RET: variants seen among roughly 807,000 people sequenced by gnomAD.
RET encodes proto-oncogene tyrosine-protein kinase receptor Ret.
A neutral mutation model predicts 118.3 loss-of-function variants in RET; 19 were observed. That is an observed-to-expected ratio of 0.16 (90% CI 0.11 to 0.24). The LOEUF is 0.24. Among genes scored for constraint, RET ranks in the 10% least tolerant of loss-of-function variants. RET has a pLI of 1.00. For missense variants in RET, 1,219 were observed against 1,502.1 expected (o/e 0.81, Z 3.12); for synonymous variants, 597 against 644.1 (o/e 0.93, Z 1.11).
chr10:43,108,789 GCA>G (rs1012843077), intron 5 of RET, among the ~76,000 whole-genome samples: 17 of 151,942 alleles, frequency 1.1e-4, no homozygotes, highest in African/African-American at 4.1e-4. Context: ...GCGTACACAT[GCA>G]CACACACACA....
Position 43,106,753 on chromosome 10 carries a change from CA to C in RET, c.1063+183del, listed in dbSNP as rs1218027871. On this transcript the variant is annotated intron_variant, in intron 5 of 19. Transcript: ENST00000355710. The surrounding 1 kb of genome is among the most constrained non-coding windows in gnomAD (Gnocchi z 5.1). ...TCTGCCAGGCCTGCCCTCCAGCCAC[CA>C]GCAGGGCTTTCACCATGGGACCTCT... Among the ~76,000 whole-genome samples the C allele has an allele frequency of 6.6e-6, 1 of 152,186 alleles. No individual in the cohort carries two copies. Among genetic ancestry groups the C allele is most frequent in the Non-Finnish European group, 1.5e-5 (1 of 68,014 alleles).
At chr10:43,108,967 G>A in intron 5 of RET, 64 bp from the exon 6 acceptor site, 1 of 1,479,772 alleles carries the variant, frequency 6.8e-7, no homozygotes, top group Non-Finnish European at 9.4e-7. Flanking sequence ...CTGGGAAGAG[G>A]TGTGCTACAC....
In RET at chr10:43,124,998, C is replaced by G. The variant is rs1443648406; in HGVS notation, c.3039+16C>G. 7 of 1,611,948 alleles carry G rather than the reference C, an allele frequency of 4.3e-6. No homozygotes were observed. The highest frequency in any genetic ancestry group is 5.9e-6 in the Non-Finnish European group (7 of 1,178,054). ...TAAGAGGAGAGTGAGTGCCTGGGTC[C>G]AATTCCCACAAGCTGAAAGTGGCTT... On this transcript the variant is annotated intron_variant, in intron 18 of 19. Coordinates refer to ENST00000355710, the MANE Select transcript of RET (RefSeq NM_020975.6).
chr10:43,082,226 C>T (rs1002734097), intron 1 of RET, among the ~76,000 whole-genome samples: 2 of 152,202 alleles, frequency 1.3e-5, no homozygotes, highest in South Asian at 2.1e-4. Flanking sequence ...TGGCTGGGCT[C>T]TTGGCCCCTG....
intron 1 of RET, among the ~76,000 whole-genome samples, chr10:43,093,995 G>T (rs1377623003): frequency 6.6e-6 from 1 of 151,124 alleles, no homozygotes; most frequent in East Asian, 2.0e-4. Flanking sequence ...CAGGGTGTTT[G>T]TTCAGCATAA....
intron 1 of RET, among the ~76,000 whole-genome samples, chr10:43,082,753 C>T (rs547341414): frequency 3.7e-4 from 56 of 152,356 alleles, no homozygotes; most frequent in African/African-American, 1.2e-3. Context: ...AGAGGATTCT[C>T]GCCCTTGTGT....
In RET at chr10:43,116,570, C is replaced by T. The variant is rs2132901790; in HGVS notation, c.2137-14C>T. 2 of 1,613,998 alleles carry T rather than the reference C, an allele frequency of 1.2e-6. No individual in the cohort carries two copies. The highest frequency in any genetic ancestry group is 1.7e-6 in the Non-Finnish European group (2 of 1,179,928). ...TTCCCCCCTCTTCTCCCCCTTCCCTCATTTCCAACATAGGAGGATCCAAAG... is the reference window on the plus strand; with the variant it reads ...TTCCCCCCTCTTCTCCCCCTTCCCTTATTTCCAACATAGGAGGATCCAAAG... On this transcript the variant is annotated splice_polypyrimidine_tract_variant and intron_variant, in intron 11 of 19. Transcript: ENST00000355710.
rs573202190 is a variant in RET at position 43,090,154 on chromosome 10, C to T, written c.74-10305C>T. ...AGGCCTGGCAAATGGCTCAGAGAGA[C>T]ACCTGTGAACAGCTGTGTTTGGTGG... On this transcript the variant is annotated intron_variant, in intron 1 of 19. Transcript: ENST00000355710. 9.2e-5 allele frequency among the ~76,000 whole-genome samples: 14 copies of T among 152,336 alleles called. No homozygotes were observed. The South Asian group carries it at 2.7e-3, about 29-fold the overall frequency.
chr10:43,109,027 G>T lies in RET; in HGVS notation c.1064-4G>T, dbSNP rs1837849469. ...GGTGGTCATTGTTGTGCCCCTACCT[G>T]CAGGGCTGGTTCTCAACCGGAACCT... On this transcript the variant is annotated splice_polypyrimidine_tract_variant and splice_region_variant and intron_variant, in intron 5 of 19. Coordinates refer to ENST00000355710, the MANE Select transcript of RET (RefSeq NM_020975.6). 3 of 1,611,952 alleles carry T rather than the reference G, an allele frequency of 1.9e-6. No individual in the cohort carries two copies. The highest frequency in any genetic ancestry group is 2.5e-6 in the Non-Finnish European group (3 of 1,180,004).
At chr10:43,096,389 C>T (rs953980294) in intron 1 of RET, among the ~76,000 whole-genome samples, 6 of 152,150 alleles carry the variant, frequency 3.9e-5, no homozygotes, top group Non-Finnish European at 8.8e-5. Context: ...TCCTAACCCC[C>T]GAGACACAAA....
chr10:43,128,306 A>G lies in RET; in HGVS notation c.*37A>G, dbSNP rs1164946666. 1 of 1,610,750 alleles carries G rather than the reference A, an allele frequency of 6.2e-7. No individual in the cohort carries two copies. The highest frequency in any genetic ancestry group is 8.5e-7 in the Non-Finnish European group (1 of 1,176,900). On this transcript the variant is annotated 3_prime_UTR_variant, in exon 20 of 20. Transcript: ENST00000355710. ...GAAAGGTAATGGACTCACAAGGGGAAGAAACATGCTGAGAATGGAAAGTCT... is the reference window on the plus strand; with the variant it reads ...GAAAGGTAATGGACTCACAAGGGGAGGAAACATGCTGAGAATGGAAAGTCT...
In RET at chr10:43,114,220, G is replaced by A. The variant is rs1774651398; in HGVS notation, c.1880-260G>A. Among the ~76,000 whole-genome samples, 2 of 152,170 alleles carry A rather than the reference G, an allele frequency of 1.3e-5. No homozygotes were observed. The highest frequency in any genetic ancestry group is 6.5e-5 in the Admixed American group (1 of 15,288). ...TGGTGTAATGAGCACAGCCTCTGCT[G>A]TGTGACCTTGGCAGGCTGCTCAGCC... On this transcript the variant is annotated intron_variant, in intron 10 of 19. Coordinates refer to ENST00000355710, the MANE Select transcript of RET (RefSeq NM_020975.6). This position sits in a 1 kb window ranked among gnomAD's most constrained non-coding sequence, Gnocchi z 4.6.
intron 1 of RET, among the ~76,000 whole-genome samples, chr10:43,093,716 A>C (rs571414506): frequency 3.3e-5 from 5 of 152,202 alleles, no homozygotes; most frequent in Admixed American, 6.5e-5. Context: ...TGGGTTACCC[A>C]GGAGGGGCCG....
At chr10:43,103,833 G>A (rs1460946327) in intron 3 of RET, among the ~76,000 whole-genome samples, 1 of 152,196 alleles carries the variant, frequency 6.6e-6, no homozygotes, top group Non-Finnish European at 1.5e-5. Context: ...TCCCACATAC[G>A]TAATTCATGC....
chr10:43,077,404 T>G (rs1795758416), intron 1 of RET, 73 bp downstream of exon 1: 8 of 1,453,900 alleles, frequency 5.5e-6, no homozygotes, highest in Non-Finnish European at 7.3e-6. Flanking sequence ...GCGGGCGCGT[T>G]CAGAAGCGCC....
chr10:43,105,830 A>C (rs1837760310), intron 4 of RET, among the ~76,000 whole-genome samples: 1 of 152,112 alleles, frequency 6.6e-6, no homozygotes, highest in African/African-American at 2.4e-5. Context: ...AGTAAAGGCT[A>C]TGTGGGCCTC....
At chr10:43,095,980 A>G (rs552539193) in intron 1 of RET, among the ~76,000 whole-genome samples, 4 of 152,268 alleles carry the variant, frequency 2.6e-5, no homozygotes, top group East Asian at 1.9e-4. Context: ...CGACACTGCC[A>G]TTTGCACCGT....
chr10:43,084,242 A>G (rs1308179238), intron 1 of RET, among the ~76,000 whole-genome samples: 1 of 152,260 alleles, frequency 6.6e-6, no homozygotes, highest in Non-Finnish European at 1.5e-5. Flanking sequence ...ATACCTGGAC[A>G]TGAAATCGCT....
At position 43,099,513 on chromosome 10, in the gene RET, AAAATAAATAAATAAATAAAT is replaced by A. The variant is rs751291577; in HGVS notation, c.74-918_74-899del. 4.8e-5 allele frequency among the ~76,000 whole-genome samples: 7 copies of A among 146,348 alleles called. No homozygotes were observed. In the South Asian group the frequency reaches 6.5e-4, roughly 14 times the overall value. On this transcript the variant is annotated intron_variant, in intron 1 of 19. Coordinates refer to ENST00000355710, the MANE Select transcript of RET (RefSeq NM_020975.6). ...GCAACAAGAGCAAAACTCCATCTCA[AAAATAAATAAATAAATAAAT>A]AAATAAATAAATAAATAAATAAATA...
Sources: allele counts gnomAD v4.1 joint callset (sites outside exome capture counted in the v4.1 genomes callset), GRCh38; gene constraint gnomAD v4.1.1; non-coding constraint Gnocchi (gnomAD v3.1); transcripts MANE v1.5; gene names NCBI Gene and HGNC (gene_info 2026-07-23, HGNC 2026-07-21).